The following PPP6R2 variants were observed in gnomAD, a reference collection of about 807,000 sequenced individuals.
PPP6R2 encodes the protein serine/threonine-protein phosphatase 6 regulatory subunit 2.
Under a neutral mutation model 100.2 loss-of-function variants are expected in PPP6R2, and 62 were observed. That is an observed-to-expected ratio of 0.62 (90% CI 0.50 to 0.76). PPP6R2 has a LOEUF of 0.76. PPP6R2 is among the 30% of genes least tolerant of loss of function. The pLI is 0.00. For synonymous variants in PPP6R2, 525 were observed against 514.7 expected, an observed-to-expected ratio of 1.02 and a Z score of -0.27; for missense variants, 1,142 against 1,276.3, an observed-to-expected ratio of 0.89 and a Z score of 1.60.
chr22:50,405,908 G>A (rs1254575008), intron 3 of PPP6R2, among the ~76,000 whole-genome samples: 4 of 141,018 alleles, frequency 2.8e-5, no homozygotes, highest in Admixed American at 7.0e-5. Flanking sequence ...CCTGGCAGGC[G>A]AGTGTGAAGG....
intron 1 of PPP6R2, among the ~76,000 whole-genome samples, chr22:50,353,600 G>A (rs910988561): frequency 6.6e-6 from 1 of 152,094 alleles, no homozygotes; most frequent in Non-Finnish European, 1.5e-5. Flanking sequence ...ACATGCTGTT[G>A]GAAAAATGGC....
chr22:50,412,878 C>T (rs2059958314), intron 4 of PPP6R2, among the ~76,000 whole-genome samples: 1 of 151,324 alleles, frequency 6.6e-6, no homozygotes, highest in African/African-American at 2.4e-5. Flanking sequence ...CTCCTGACCT[C>T]AGGTGATCCA....
intron 2 of PPP6R2, among the ~76,000 whole-genome samples, chr22:50,382,317 A>G (rs186608739): frequency 1.3e-5 from 2 of 152,006 alleles, no homozygotes; most frequent in Non-Finnish European, 2.9e-5. Context: ...AAAAAAGTCA[A>G]ACAGGGCACG....
intron 10 of PPP6R2, among the ~76,000 whole-genome samples, chr22:50,429,584 A>T (rs2334099): frequency 6.6e-6 from 1 of 152,020 alleles, no homozygotes; most frequent in Non-Finnish European, 1.5e-5. Context: ...GTCCTCATTC[A>T]GCTTTGGTAT....
chr22:50,354,071 G>A (rs537435006), intron 1 of PPP6R2, among the ~76,000 whole-genome samples: 1 of 152,132 alleles, frequency 6.6e-6, no homozygotes, highest in Non-Finnish European at 1.5e-5. Flanking sequence ...TTTGGAGGCC[G>A]AGGTGGGCGG....
At chr22:50,393,375 T>G in intron 2 of PPP6R2, 1 of 985,056 alleles carries the variant, frequency 1.0e-6, no homozygotes, top group Non-Finnish European at 1.2e-6. Context: ...TTGCTGAGTT[T>G]GCTCACAAAT....
intron 3 of PPP6R2, 56 bp downstream of exon 3, chr22:50,394,191 C>T: frequency 1.9e-6 from 3 of 1,596,168 alleles, no homozygotes; most frequent in Non-Finnish European, 1.7e-6. Context: ...AGGCAGGCCG[C>T]AGGCAGTGTC....
Position 50,434,985 on chromosome 22 carries a change from C to T in PPP6R2, c.1420C>T (p.Arg474Cys), listed in dbSNP as rs751823681. Residue 474 changes from arginine to cysteine, a missense_variant, in exon 13 of 24, where the codon CGT becomes TGT. Coordinates refer to ENST00000612753, the MANE Select transcript of PPP6R2 (RefSeq NM_001242898.2). ...DHTQAAGGMR[R>C]GNMGHLTRIA... is the part of the protein sequence containing the mutation. The stretch of plus-strand genomic sequence containing the variant: ...TTTCAGGGCAGCGGGTGGCATGAGA[C>T]GTGGGAACATGGGCCACCTCACACG... 1.6e-5 allele frequency: 25 copies of T among 1,605,460 alleles called. No homozygotes were observed. Among genetic ancestry groups the T allele is most frequent in the South Asian group, 7.7e-5 (7 of 90,766 alleles).
intron 10 of PPP6R2, among the ~76,000 whole-genome samples, chr22:50,429,032 A>ATT (rs34500818): frequency 2.1e-5 from 3 of 145,902 alleles, no homozygotes; most frequent in African/African-American, 2.5e-5. Flanking sequence ...AGTATGTTGA[A>ATT]TTTTTTTTTT....
intron 22 of PPP6R2, among the ~76,000 whole-genome samples, chr22:50,442,736 T>C (rs2065974065): frequency 1.3e-5 from 2 of 151,980 alleles, no homozygotes; most frequent in South Asian, 4.2e-4. Flanking sequence ...GTATTTTTAG[T>C]AGAGACGGGG....
At chr22:50,379,967 A>G (rs1309645701) in intron 2 of PPP6R2, among the ~76,000 whole-genome samples, 1 of 152,202 alleles carries the variant, frequency 6.6e-6, no homozygotes, top group Non-Finnish European at 1.5e-5. Flanking sequence ...AGTAACAAAT[A>G]AGTCATGAAG....
At chr22:50,386,149 T>C (rs1187091528) in intron 2 of PPP6R2, among the ~76,000 whole-genome samples, 1 of 144,500 alleles carries the variant, frequency 6.9e-6, no homozygotes, top group Non-Finnish European at 1.5e-5. Flanking sequence ...TTTGTTTTGT[T>C]TTGTTTTTTT....
intron 1 of PPP6R2, among the ~76,000 whole-genome samples, chr22:50,369,758 G>A (rs1195651137): frequency 1.3e-5 from 2 of 151,846 alleles, no homozygotes; most frequent in East Asian, 1.9e-4. Flanking sequence ...CACCCACCTC[G>A]GCCTCCCAAA....
Position 50,443,876 on chromosome 22 carries a change from G to T in PPP6R2, c.2590G>T (p.Ala864Ser), listed in dbSNP as rs2066456036. ...ATGTTTGCCACACAGGGTCGGGTGTGCTGACAGCCGGCTGTTAAGCCCTGC... is the reference window on the plus strand; with the variant it reads ...ATGTTTGCCACACAGGGTCGGGTGTTCTGACAGCCGGCTGTTAAGCCCTGC... ...TEEAVGRVGC[A>S]DSRLLSPACP... Residue 864 changes from alanine (A) to serine (S), a missense_variant, in exon 23 of 24, where the codon GCT becomes TCT. Physicochemically the swap from Ala to Ser is moderately conservative, Grantham distance 99 (BLOSUM62 1). Around this residue, in one of 2 missense-constraint regions of PPP6R2, gnomAD observed 550 missense variants for 517.4 expected, o/e 1.06. Coordinates refer to ENST00000612753, the MANE Select transcript of PPP6R2 (RefSeq NM_001242898.2). 6.3e-7 allele frequency: 1 copy of T among 1,580,592 alleles called. No individual in the cohort carries two copies. Among genetic ancestry groups the T allele is most frequent in the Non-Finnish European group, 8.6e-7 (1 of 1,162,690 alleles).
chr22:50,389,844 C>T (rs2055066914), intron 2 of PPP6R2, among the ~76,000 whole-genome samples: 1 of 151,896 alleles, frequency 6.6e-6, no homozygotes, highest in Non-Finnish European at 1.5e-5. Flanking sequence ...CCGCCTTGGC[C>T]CCGCAAAATG....
chr22:50,332,327 A>AC, the PPP6R2 span, among the ~76,000 whole-genome samples: 32 of 148,336 alleles, frequency 2.2e-4, 1 homozygote, highest in South Asian at 2.1e-3. Flanking sequence ...TCCCAGGTTC[A>AC]CCCCCCCATT....
At chr22:50,337,493 GGT>G in the PPP6R2 span, among the ~76,000 whole-genome samples, 3 of 143,044 alleles carry the variant, frequency 2.1e-5, no homozygotes, top group East Asian at 4.3e-4. Flanking sequence ...TGCGATGTGT[GGT>G]GTGTGTGCGG....
At chr22:50,395,959 C>A (rs2056713945) in intron 3 of PPP6R2, among the ~76,000 whole-genome samples, 1 of 151,914 alleles carries the variant, frequency 6.6e-6, no homozygotes, top group South Asian at 2.1e-4. Flanking sequence ...CTTTGGGAGG[C>A]CAAGGCGGGC....
chr22:50,418,561 T>C (rs924497761), intron 6 of PPP6R2, among the ~76,000 whole-genome samples: 1 of 152,106 alleles, frequency 6.6e-6, no homozygotes, highest in African/African-American at 2.4e-5. Flanking sequence ...TAATTTTTTG[T>C]ATTTTTAGTA....
Sources: gnomAD v4.1 joint callset for allele counts (sites outside exome capture counted in the v4.1 genomes callset) on GRCh38, gnomAD v4.1.1 for gene constraint, gnomAD v4.1.1 regional missense constraint, MANE v1.5 for transcripts, NCBI Gene and HGNC (gene_info 2026-07-23, HGNC 2026-07-21) for gene names.